Variants in KIF16B observed in about 807,000 individuals in gnomAD.
KIF16B encodes the protein kinesin-like protein KIF16B.
KIF16B carries 98 observed loss-of-function variants against 156.3 expected under a neutral mutation model. The observed-to-expected ratio is 0.63, with a 90% CI of 0.53 to 0.74. KIF16B has a LOEUF of 0.74. KIF16B is among the 30% of genes least tolerant of loss of function. KIF16B has a pLI of 0.00. For missense variants in KIF16B, 1,421 were observed against 1,606.5 expected, an observed-to-expected ratio of 0.88 and a Z score of 1.97; for synonymous variants, 564 against 583.7, an observed-to-expected ratio of 0.97 and a Z score of 0.49.
At chr20:16,548,595 A>C (rs796723816) in intron 1 of KIF16B, among the ~76,000 whole-genome samples, 1 of 152,168 alleles carries the variant, frequency 6.6e-6, no homozygotes, top group South Asian at 2.1e-4. Flanking sequence ...CCTTATTAGA[A>C]TCTAACTAAT....
intron 24 of KIF16B, among the ~76,000 whole-genome samples, chr20:16,316,870 A>T (rs927712753): frequency 6.6e-6 from 1 of 152,246 alleles, no homozygotes; most frequent in Admixed American, 6.5e-5. Flanking sequence ...AACACTGGTC[A>T]GGACAAATAA....
chr20:16,508,068 C>T lies in KIF16B; in HGVS notation c.589G>A (p.Asp197Asn). Residue 197 changes from aspartate (D) to asparagine (N), a missense_variant, in exon 7 of 26, where the codon GAC becomes AAC. Transcript: ENST00000354981. ...CCCGCATCCATAAGTTCTTCTACGT[C>T]ACCATAATTCTGTACTAAATGTTTG... ...LSKHLVQNYG[D>N]VEELMDAGNI... 6.2e-7 allele frequency: 1 copy of T among 1,614,142 alleles called. No homozygotes were observed. The highest frequency in any genetic ancestry group is 8.5e-7 in the Non-Finnish European group (1 of 1,179,992).
chr20:16,385,976 TCA>T (rs2065220922), intron 17 of KIF16B, among the ~76,000 whole-genome samples: 2 of 152,162 alleles, frequency 1.3e-5, no homozygotes, highest in African/African-American at 4.8e-5. Flanking sequence ...CAAGCTAAGC[TCA>T]GTTTTACACT....
chr20:16,549,897 G>A (rs1188244204), intron 1 of KIF16B, among the ~76,000 whole-genome samples: 2 of 56,068 alleles, frequency 3.6e-5, no homozygotes, highest in Non-Finnish European at 7.0e-5. Context: ...AAAAACCCTA[G>A]AAGAAAACCT....
chr20:16,285,905 A>G (rs1201304147), intron 25 of KIF16B, among the ~76,000 whole-genome samples: 1 of 152,206 alleles, frequency 6.6e-6, no homozygotes, highest in African/African-American at 2.4e-5. Context: ...AAGCAGGTAC[A>G]TAAGCAACAT....
chr20:16,358,617 A>G (rs1477917463), intron 22 of KIF16B, among the ~76,000 whole-genome samples: 2 of 152,200 alleles, frequency 1.3e-5, no homozygotes, highest in Non-Finnish European at 2.9e-5. Context: ...GAGGGACCCA[A>G]CTATGAACGC....
chr20:16,338,234 C>T (rs930107454), intron 23 of KIF16B, among the ~76,000 whole-genome samples: 13 of 152,198 alleles, frequency 8.5e-5, no homozygotes, highest in Non-Finnish European at 5.9e-5. Context: ...TCTCCCCCCA[C>T]ACTCTTCATC....
chr20:16,422,942 C>A (rs1464053021), intron 15 of KIF16B, among the ~76,000 whole-genome samples: 1 of 151,924 alleles, frequency 6.6e-6, no homozygotes, highest in African/African-American at 2.4e-5. Flanking sequence ...TAAAAAGACA[C>A]TCCAATGAAA....
chr20:16,472,183 T>C (rs1340332208), intron 12 of KIF16B, among the ~76,000 whole-genome samples: 2 of 152,240 alleles, frequency 1.3e-5, no homozygotes, highest in African/African-American at 2.4e-5. Flanking sequence ...TATCTGCATA[T>C]GCTTTCGTTC....
At chr20:16,292,213 G>T (rs898208263) in intron 25 of KIF16B, among the ~76,000 whole-genome samples, 2 of 152,164 alleles carry the variant, frequency 1.3e-5, no homozygotes, top group African/African-American at 2.4e-5. Flanking sequence ...GCAGGGGATT[G>T]CTGGTAACAA....
chr20:16,374,280 G>A lies in KIF16B; in HGVS notation c.3327C>T (p.His1109=), dbSNP rs781007250. Residue 1109 remains histidine (H), a synonymous_variant, in exon 20 of 26, where the codon CAC becomes CAT. Transcript: ENST00000354981. The part of the protein sequence containing the change: ...SSLPVSAEKS[H]LVPLMDARIN... ...ACCTGGCATCCATGAGGGGAACCAG[G>A]TGTGATTTTTCAGCACTGACTGGCA... is the stretch of plus-strand genomic sequence containing the variant. 4.4e-6 allele frequency: 7 copies of A among 1,596,826 alleles called. No individual in the cohort carries two copies. Among genetic ancestry groups the A allele is most frequent in the Non-Finnish European group, 6.0e-6 (7 of 1,169,906 alleles).
At chr20:16,488,469 C>T in intron 12 of KIF16B, among the ~76,000 whole-genome samples, 1 of 152,068 alleles carries the variant, frequency 6.6e-6, no homozygotes, top group African/African-American at 2.4e-5. Flanking sequence ...ACAGATAAAC[C>T]CAAAAGGGCA....
intron 11 of KIF16B, among the ~76,000 whole-genome samples, chr20:16,495,826 G>A (rs1319209514): frequency 1.3e-5 from 2 of 152,026 alleles, no homozygotes; most frequent in African/African-American, 2.4e-5. Context: ...GGGTAGCTGG[G>A]ACTACAGGTG....
chr20:16,417,489 C>G (rs1249917475), intron 15 of KIF16B, among the ~76,000 whole-genome samples: 1 of 152,044 alleles, frequency 6.6e-6, no homozygotes, highest in Non-Finnish European at 1.5e-5. Flanking sequence ...TAAACAAGAC[C>G]CAGGATCTCA....
At chr20:16,428,450 T>A (rs2066416599) in intron 14 of KIF16B, among the ~76,000 whole-genome samples, 1 of 152,164 alleles carries the variant, frequency 6.6e-6, no homozygotes, top group Admixed American at 6.5e-5. Context: ...AAGTCACTGA[T>A]TATTTGCGTG....
chr20:16,329,812 G>A (rs1412252507), intron 24 of KIF16B, among the ~76,000 whole-genome samples: 1 of 152,040 alleles, frequency 6.6e-6, no homozygotes, highest in East Asian at 1.9e-4. Context: ...TAAAGAAAAT[G>A]AATAAATAAA....
chr20:16,515,410 T>TA lies in KIF16B; in HGVS notation c.348+137dup, dbSNP rs1306810980. 1.1e-5 allele frequency: 6 copies of TA among 553,864 alleles called. No homozygotes were observed. The African/African-American group carries it at 1.1e-4, about 11-fold the overall frequency. The allele number at this position is 553,864 out of a possible 1,614,324, so 34.3% of individuals were successfully genotyped here. On this transcript the variant is annotated intron_variant, in intron 4 of 25. Transcript: ENST00000354981. ...TCAAAGGAAATTTAGTCCAACTTAT[T>TA]ACTGAGTTTTATCTTATTACTAAAG...
intron 22 of KIF16B, chr20:16,368,360 C>T (rs1248382253): frequency 5.1e-6 from 5 of 988,982 alleles, no homozygotes. Flanking sequence ...TCGCTGCTGC[C>T]AACCCGAGCT....
At chr20:16,459,158 T>C (rs924653045) in intron 12 of KIF16B, among the ~76,000 whole-genome samples, 8 of 152,222 alleles carry the variant, frequency 5.3e-5, no homozygotes, top group Admixed American at 5.2e-4. Context: ...ACTTACATTC[T>C]GACTTTTGAG....
Sources: allele counts gnomAD v4.1 joint callset (sites outside exome capture counted in the v4.1 genomes callset), GRCh38; gene constraint gnomAD v4.1.1; transcripts MANE v1.5; gene names NCBI Gene and HGNC (gene_info 2026-07-23, HGNC 2026-07-21).